The following C12orf54 variants were observed in gnomAD, a reference collection of about 807,000 sequenced individuals.
The protein encoded by C12orf54 is chromosome 12 open reading frame 54.
A neutral mutation model predicts 26.4 loss-of-function variants in C12orf54; 24 were observed. That is an observed-to-expected ratio of 0.91 (90% CI 0.66 to 1.28). C12orf54 has a LOEUF of 1.28. Ranked by LOEUF, C12orf54 falls within the 50% of genes most tolerant of loss-of-function variation. The pLI is 0.00. For synonymous variants in C12orf54, 54 were observed against 47.0 expected (o/e 1.15, Z -0.61); for missense variants, 154 against 150.9 (o/e 1.02, Z -0.11).
the C12orf54 span, among the ~76,000 whole-genome samples, chr12:48,458,920 C>G: frequency 6.6e-6 from 1 of 152,014 alleles, no homozygotes; most frequent in African/African-American, 2.4e-5. Flanking sequence ...AATATTTTCT[C>G]TCATCTTTGC....
At chr12:48,459,831 G>T in the C12orf54 span, among the ~76,000 whole-genome samples, 1 of 152,150 alleles carries the variant, frequency 6.6e-6, no homozygotes, top group African/African-American at 2.4e-5. Context: ...TCTCCAGGCA[G>T]TGATGTGTGG....
At chr12:48,472,900 G>A in the C12orf54 span, 3 of 1,614,104 alleles carry the variant, frequency 1.9e-6, no homozygotes, top group Admixed American at 1.7e-5. Context: ...GCCTCAGTGG[G>A]CCTAGAAGTA....
At chr12:48,431,194 T>A in the C12orf54 span, among the ~76,000 whole-genome samples, 2 of 152,174 alleles carry the variant, frequency 1.3e-5, no homozygotes, top group African/African-American at 4.8e-5. Context: ...GGGTGCAATG[T>A]GTACTGCTCA....
upstream of C12orf54, among the ~76,000 whole-genome samples, chr12:48,481,792 C>T (rs991914947): frequency 1.8e-4 from 28 of 152,176 alleles, no homozygotes; most frequent in African/African-American, 6.8e-4. Context: ...CCTAAACACG[C>T]TATACCACAA....
the C12orf54 span, among the ~76,000 whole-genome samples, chr12:48,420,593 T>C: frequency 1.3e-5 from 2 of 152,140 alleles, no homozygotes; most frequent in Non-Finnish European, 2.9e-5. Flanking sequence ...TCTCCCAGTC[T>C]CTGTGGGAGG....
chr12:48,455,383 T>C, the C12orf54 span, among the ~76,000 whole-genome samples: 5 of 152,220 alleles, frequency 3.3e-5, no homozygotes, highest in Non-Finnish European at 7.3e-5. Context: ...GTCTTTGCTA[T>C]TGTGAAAAGC....
the C12orf54 span, chr12:48,473,269 A>G: frequency 9.4e-7 from 1 of 1,069,388 alleles, no homozygotes; most frequent in East Asian, 2.5e-5. Flanking sequence ...GAAGAGGAGG[A>G]CGTGAGTGGA....
chr12:48,413,650 A>C, the C12orf54 span, among the ~76,000 whole-genome samples: 1 of 152,194 alleles, frequency 6.6e-6, no homozygotes, highest in Non-Finnish European at 1.5e-5. Flanking sequence ...CTCCCTGAGT[A>C]AATCTTTGTA....
the C12orf54 span, among the ~76,000 whole-genome samples, chr12:48,462,358 T>C: frequency 6.6e-6 from 1 of 151,570 alleles, no homozygotes; most frequent in Admixed American, 6.6e-5. Flanking sequence ...TTCTGGAATA[T>C]TAGGAGGAAG....
chr12:48,489,349 T>C (rs1354451493), intron 5 of C12orf54: 13 of 331,664 alleles, frequency 3.9e-5, no homozygotes, highest in Non-Finnish European at 7.1e-5. Flanking sequence ...GAGCTAACCA[T>C]CTTGGGTAAA....
the C12orf54 span, among the ~76,000 whole-genome samples, chr12:48,453,943 A>G: frequency 6.6e-6 from 1 of 152,104 alleles, no homozygotes; most frequent in Non-Finnish European, 1.5e-5. Context: ...CTTTTGATTT[A>G]GATTCATTGT....
At chr12:48,427,343 T>G in the C12orf54 span, among the ~76,000 whole-genome samples, 54 of 152,306 alleles carry the variant, frequency 3.5e-4, no homozygotes, top group Admixed American at 1.2e-3. Context: ...AATCATGTGG[T>G]TTTTGTCTTT....
chr12:48,425,932 C>CT, the C12orf54 span, among the ~76,000 whole-genome samples: 8,907 of 134,680 alleles, frequency 0.066, 309 homozygotes, highest in African/African-American at 0.074. Context: ...GGTTGTTTGG[C>CT]TTTTTTTTTT....
chr12:48,461,438 C>A, the C12orf54 span, among the ~76,000 whole-genome samples: 1 of 151,788 alleles, frequency 6.6e-6, no homozygotes, highest in African/African-American at 2.4e-5. Flanking sequence ...AATACACATT[C>A]TTTTCAAGTA....
chr12:48,455,397 G>A, the C12orf54 span, among the ~76,000 whole-genome samples: 2 of 152,134 alleles, frequency 1.3e-5, no homozygotes, highest in African/African-American at 2.4e-5. Flanking sequence ...GAAAAGCGCT[G>A]TGATGAACAT....
At chr12:48,444,351 A>G in the C12orf54 span, among the ~76,000 whole-genome samples, 3 of 152,214 alleles carry the variant, frequency 2.0e-5, no homozygotes, top group Non-Finnish European at 4.4e-5. Context: ...ACAGAACCGC[A>G]TCACTCATTA....
chr12:48,430,332 C>T, the C12orf54 span, among the ~76,000 whole-genome samples: 1,809 of 152,122 alleles, frequency 0.012, 147 homozygotes, highest in Admixed American at 0.1. Context: ...AGAGCTTTTG[C>T]GCAGCAAAAG....
At chr12:48,470,311 A>G in the C12orf54 span, among the ~76,000 whole-genome samples, 1 of 152,252 alleles carries the variant, frequency 6.6e-6, no homozygotes, top group Non-Finnish European at 1.5e-5. Context: ...ATTCCCACCA[A>G]CAATGTAGAA....
Position 48,490,831 on chromosome 12 carries a change from T to A in C12orf54, c.188T>A (p.Ile63Asn), listed in dbSNP as rs772662641. The part of the protein sequence containing the change: ...IQKELQEDAR[I>N]RGMSNCSMTP... Reference sequence around the variant, plus strand: ...TTTCAGCTGCAGGAAGATGCTCGGATTCGAGGTAAAACAGCACCATTCCAA... The same window carrying A: ...TTTCAGCTGCAGGAAGATGCTCGGAATCGAGGTAAAACAGCACCATTCCAA... The change falls in exon 6 of 9, where the codon ATT (isoleucine) becomes AAT (asparagine). Residue 63 changes from isoleucine (I) to asparagine (N), a missense_variant. Physicochemically the swap from Ile to Asn is moderately radical, Grantham distance 149. Coordinates refer to ENST00000548364, the MANE Select transcript of C12orf54 (RefSeq NM_152319.4). 2 of 1,613,526 alleles carry A rather than the reference T, an allele frequency of 1.2e-6. No individual in the cohort carries two copies. Among genetic ancestry groups the A allele is most frequent in the Non-Finnish European group, 1.7e-6 (2 of 1,179,520 alleles).
Sources: allele counts gnomAD v4.1 joint callset (sites outside exome capture counted in the v4.1 genomes callset), GRCh38; gene constraint gnomAD v4.1.1; transcripts MANE v1.5; gene names NCBI Gene and HGNC (gene_info 2026-07-23, HGNC 2026-07-21).